The following TM9SF4 variants were observed in gnomAD, a reference collection of about 807,000 sequenced individuals.
The protein encoded by TM9SF4 is transmembrane 9 superfamily member 4.
Under a neutral mutation model 90.4 loss-of-function variants are expected in TM9SF4, and 26 were observed. The observed-to-expected ratio is 0.29, with a 90% CI of 0.21 to 0.40. The LOEUF is 0.40. TM9SF4 is among the 10% of genes least tolerant of loss of function. The probability of loss-of-function intolerance (pLI) is 1.00; values close to 1 mark genes in which losing one functional copy is unlikely to be tolerated. For missense variants in TM9SF4, 549 were observed against 834.8 expected (o/e 0.66, Z 4.22); for synonymous variants, 293 against 315.4 (o/e 0.93, Z 0.75).
intron 13 of TM9SF4, 99 bp from the exon 14 acceptor site, chr20:32,157,695 C>T: frequency 3.4e-6 from 5 of 1,469,658 alleles, no homozygotes; most frequent in Non-Finnish European, 2.8e-6. Context: ...GCACAAGTCG[C>T]CTCTCCTTCT....
At chr20:32,159,929 G>C in intron 15 of TM9SF4, 63 bp from the exon 16 acceptor site, 1 of 1,607,436 alleles carries the variant, frequency 6.2e-7, no homozygotes, top group Non-Finnish European at 8.5e-7. Flanking sequence ...GTGACAGGTT[G>C]GTGTGCCAGG....
chr20:32,135,620 C>T (rs1215856349), intron 2 of TM9SF4, among the ~76,000 whole-genome samples: 1 of 152,100 alleles, frequency 6.6e-6, no homozygotes, highest in African/African-American at 2.4e-5. Flanking sequence ...TGAGGAGAAG[C>T]CAGGCGAGCA....
chr20:32,127,355 C>G (rs947130637), intron 1 of TM9SF4, among the ~76,000 whole-genome samples: 2 of 152,152 alleles, frequency 1.3e-5, no homozygotes, highest in Non-Finnish European at 2.9e-5. Context: ...CTTGTTCCTC[C>G]ACTTTCTGGC....
chr20:32,143,753 C>T (rs1412627408), intron 6 of TM9SF4, among the ~76,000 whole-genome samples: 2 of 151,088 alleles, frequency 1.3e-5, no homozygotes, highest in African/African-American at 4.9e-5. Flanking sequence ...CACTGTGGAA[C>T]TTAGTGTTCA....
Position 32,155,083 on chromosome 20 carries a change from C to T in TM9SF4, c.1246-20C>T. 1.2e-6 allele frequency: 2 copies of T among 1,612,142 alleles called. No individual in the cohort carries two copies. The highest frequency in any genetic ancestry group is 1.7e-6 in the Non-Finnish European group (2 of 1,178,226). On this transcript the variant is annotated intron_variant, in intron 12 of 17. Coordinates refer to ENST00000398022, the MANE Select transcript of TM9SF4 (RefSeq NM_014742.4). Reference sequence around the variant, plus strand: ...GAGGTCCCTGGATGCTGCTCCTCAACCCGGCCCCTCTTGCTCCAGACGGCA... The same window carrying T: ...GAGGTCCCTGGATGCTGCTCCTCAATCCGGCCCCTCTTGCTCCAGACGGCA...
intron 3 of TM9SF4, among the ~76,000 whole-genome samples, chr20:32,141,238 A>G (rs1029443731): frequency 6.6e-6 from 1 of 151,114 alleles, no homozygotes; most frequent in Non-Finnish European, 1.5e-5. Flanking sequence ...AAAAAAAAAA[A>G]AAAGGATGTG....
In TM9SF4 at chr20:32,143,097, G is replaced by T; in HGVS notation, c.644G>T (p.Arg215Met). Reference protein sequence around the residue: ...VRFEVIPQSIRLEDLKADEKS... With the variant: ...VRFEVIPQSIMLEDLKADEKS... Reference sequence around the variant, plus strand: ...TTCGAGGTGATTCCCCAGAGCATCAGGCTGGAGGGTGAGTGGGGAGGTGTG... The same window carrying T: ...TTCGAGGTGATTCCCCAGAGCATCATGCTGGAGGGTGAGTGGGGAGGTGTG... The change falls in exon 6 of 18, where the codon AGG (arginine) becomes ATG (methionine). Residue 215 changes from arginine to methionine, a missense_variant. Physicochemically the swap from Arg to Met is moderately conservative, Grantham distance 91. This residue lies in a region of TM9SF4 where 495 missense variants were observed against 711.7 expected (regional missense o/e 0.70). Transcript: ENST00000398022. 2 of 1,613,278 alleles carry T rather than the reference G, an allele frequency of 1.2e-6. No individual in the cohort carries two copies. The highest frequency in any genetic ancestry group is 1.1e-5 in the South Asian group (1 of 91,046).
At chr20:32,157,109 G>C (rs981464267) in intron 13 of TM9SF4, among the ~76,000 whole-genome samples, 1 of 151,438 alleles carries the variant, frequency 6.6e-6, no homozygotes, top group Non-Finnish European at 1.5e-5. Flanking sequence ...CACAGTGCCC[G>C]GCTAATTTTT....
At chr20:32,146,474 C>G (rs2046764480) in intron 8 of TM9SF4, among the ~76,000 whole-genome samples, 1 of 152,142 alleles carries the variant, frequency 6.6e-6, no homozygotes, top group Admixed American at 6.5e-5. Flanking sequence ...ACAGGCAGCC[C>G]TTGGACACAT....
chr20:32,159,834 C>T (rs994164440), intron 15 of TM9SF4, 158 bp from the exon 16 acceptor site: 5 of 1,029,198 alleles, frequency 4.9e-6, no homozygotes, highest in Non-Finnish European at 7.2e-6. Context: ...TGGCTCACCC[C>T]CTGCTCTGGG....
At chr20:32,121,269 A>G (rs891114588) in intron 1 of TM9SF4, among the ~76,000 whole-genome samples, 11 of 147,204 alleles carry the variant, frequency 7.5e-5, no homozygotes, top group African/African-American at 2.8e-4. Flanking sequence ...TGGCAGGGTC[A>G]TAGGACAATA....
Position 32,136,096 on chromosome 20 carries a change from G to A in TM9SF4, c.152G>A (p.Arg51Gln), listed in dbSNP as rs1253283765. 16 of 1,613,974 alleles carry A rather than the reference G, an allele frequency of 9.9e-6. No individual in the cohort carries two copies. The highest frequency in any genetic ancestry group is 3.3e-5 in the Admixed American group (2 of 59,986). The change falls in exon 3 of 18, where the codon CGA becomes CAA. Residue 51 changes from arginine (R) to glutamine (Q), a missense_variant. Physicochemically the swap from Arg to Gln is conservative, Grantham distance 43. Transcript: ENST00000398022. The stretch of plus-strand genomic sequence containing the variant: ...CAGGCTGTGAAGCTCACCAGCTCTC[G>A]AACCCAGCTACCTTATGAATACTAT... The part of the protein sequence containing the change: ...EIKAVKLTSS[R>Q]TQLPYEYYSL...
intron 3 of TM9SF4, among the ~76,000 whole-genome samples, chr20:32,138,829 A>G (rs541009992): frequency 2.8e-4 from 42 of 152,334 alleles, no homozygotes; most frequent in African/African-American, 9.9e-4. Context: ...CATTGACAGG[A>G]GATGAAATAG....
chr20:32,136,274 T>C (rs1205323113), intron 3 of TM9SF4, 101 bp downstream of exon 3: 2 of 1,095,320 alleles, frequency 1.8e-6, no homozygotes, highest in Non-Finnish European at 2.7e-6. Flanking sequence ...TTCTAGACAC[T>C]GGTCTACATT....
At chr20:32,143,189 T>G in intron 6 of TM9SF4, 84 bp downstream of exon 6, 1 of 1,524,176 alleles carries the variant, frequency 6.6e-7, no homozygotes, top group Admixed American at 1.9e-5. Flanking sequence ...TTCTCCCTCC[T>G]GAGCTGGCCG....
In TM9SF4 at chr20:32,158,482, G is replaced by A. The variant is rs746098138; in HGVS notation, c.1537G>A (p.Ala513Thr). 7.4e-6 allele frequency: 12 copies of A among 1,614,040 alleles called. No individual in the cohort carries two copies. The South Asian group carries it at 9.9e-5, about 13-fold the overall frequency. Residue 513 changes from alanine to threonine, a missense_variant, in exon 15 of 18, where the codon GCC becomes ACC. By Grantham distance (58) the Ala-to-Thr change is moderately conservative. Coordinates refer to ENST00000398022, the MANE Select transcript of TM9SF4 (RefSeq NM_014742.4). ...CATGGCTGGGATCTTGCCCTTCGGC[G>A]CCATGTTCATCGAGCTCTTCTTCAT... Reference protein sequence around the residue: ...ILMAGILPFGAMFIELFFIFS... With the variant: ...ILMAGILPFGTMFIELFFIFS...
At chr20:32,130,285 T>C (rs2046491495) in intron 1 of TM9SF4, among the ~76,000 whole-genome samples, 1 of 152,250 alleles carries the variant, frequency 6.6e-6, no homozygotes, top group South Asian at 2.1e-4. Flanking sequence ...TGTGATTTGT[T>C]GATAGTATCT....
At chr20:32,126,515 C>T (rs2046424782) in intron 1 of TM9SF4, among the ~76,000 whole-genome samples, 1 of 152,092 alleles carries the variant, frequency 6.6e-6, no homozygotes, top group Non-Finnish European at 1.5e-5. Flanking sequence ...TCCTTCCCTG[C>T]CCCAAGACTG....
intron 2 of TM9SF4, among the ~76,000 whole-genome samples, 181 bp downstream of exon 2, chr20:32,133,307 C>A (rs1035791753): frequency 1.3e-5 from 2 of 152,146 alleles, no homozygotes; most frequent in Admixed American, 1.3e-4. Flanking sequence ...GTTTCTGGTT[C>A]TTTCTGTGTC....
Sources: gnomAD v4.1 joint callset for allele counts (sites outside exome capture counted in the v4.1 genomes callset) on GRCh38, gnomAD v4.1.1 for gene constraint, gnomAD v4.1.1 regional missense constraint, MANE v1.5 for transcripts, NCBI Gene and HGNC (gene_info 2026-07-23, HGNC 2026-07-21) for gene names.